Variants in PAWR observed in about 807,000 individuals in gnomAD.
PAWR encodes PRKC apoptosis WT1 regulator protein.
A neutral mutation model predicts 32.0 loss-of-function variants in PAWR; 23 were observed. That is an observed-to-expected ratio of 0.72 (90% CI 0.52 to 1.02). The LOEUF (loss-of-function observed/expected upper bound fraction) is 1.02, where lower values mean the gene tolerates loss of function less well. PAWR is among the 50% of genes least tolerant of loss of function. The pLI, the probability that PAWR is intolerant of heterozygous loss-of-function variation, is 0.00. For synonymous variants in PAWR, 226 were observed against 187.1 expected (o/e 1.21, Z -1.70); for missense variants, 457 against 437.7 (o/e 1.04, Z -0.39).
At chr12:79,671,123 T>C (rs1351273960) in intron 2 of PAWR, among the ~76,000 whole-genome samples, 4 of 99,008 alleles carry the variant, frequency 4.0e-5, no homozygotes, top group Non-Finnish European at 8.4e-5. Flanking sequence ...CCTTAGCACT[T>C]AAAAAAAAAA....
chr12:79,673,553 T>C (rs746859664), intron 2 of PAWR, among the ~76,000 whole-genome samples: 4 of 152,272 alleles, frequency 2.6e-5, no homozygotes, highest in East Asian at 1.9e-4. Flanking sequence ...ACCAGCCTTA[T>C]TGTGCCCCTC....
chr12:79,688,328 T>A (rs2136900729), intron 2 of PAWR: 1 of 152,184 alleles, frequency 6.6e-6, no homozygotes, highest in Non-Finnish European at 1.5e-5. Context: ...AAGACCGCTG[T>A]CAGATGAACA....
intron 3 of PAWR, among the ~76,000 whole-genome samples, chr12:79,615,912 C>T (rs897595636): frequency 2.0e-5 from 3 of 151,876 alleles, no homozygotes; most frequent in Non-Finnish European, 2.9e-5. Flanking sequence ...ACAAAATTAG[C>T]TGGGTGAAGT....
rs1875081365 is a variant in PAWR at position 79,622,636 on chromosome 12, T to C, written c.517-1429A>G. Among the ~76,000 whole-genome samples the C allele has an allele frequency of 2.0e-5, 3 of 152,116 alleles. No homozygotes were observed. In the South Asian group the frequency reaches 6.2e-4, roughly 32 times the overall value. Reference sequence around the variant, plus strand: ...ATGGAGTCTTACAACATTAGGATGATACAGAGAAGTCTGAGGACAGAAATG... The same window carrying C: ...ATGGAGTCTTACAACATTAGGATGACACAGAGAAGTCTGAGGACAGAAATG... On this transcript the variant is annotated intron_variant, in intron 2 of 6. Coordinates refer to ENST00000328827, the MANE Select transcript of PAWR (RefSeq NM_002583.4).
At chr12:79,670,103 A>T (rs1411918520) in intron 2 of PAWR, among the ~76,000 whole-genome samples, 1 of 152,212 alleles carries the variant, frequency 6.6e-6, no homozygotes, top group African/African-American at 2.4e-5. Context: ...AAACAGGAAA[A>T]AAAATTAAGT....
At chr12:79,618,363 A>T (rs2136710276) in intron 3 of PAWR, among the ~76,000 whole-genome samples, 2 of 152,236 alleles carry the variant, frequency 1.3e-5, no homozygotes, top group Middle Eastern at 6.8e-3. Context: ...TTCTGGCATC[A>T]AGTGGTCCAC....
At chr12:79,601,432 T>C (rs1873957957) in intron 4 of PAWR, among the ~76,000 whole-genome samples, 1 of 152,046 alleles carries the variant, frequency 6.6e-6, no homozygotes, top group Non-Finnish European at 1.5e-5. Context: ...CCTGAAGTCC[T>C]GGCCTCAAGC....
chr12:79,613,700 TA>T, intron 3 of PAWR, 91 bp from the exon 4 acceptor site: 1 of 604,828 alleles, frequency 1.7e-6, no homozygotes, highest in Admixed American at 2.7e-5. Context: ...TACCTAATTT[TA>T]AAAAGACCAA....
intron 3 of PAWR, among the ~76,000 whole-genome samples, chr12:79,617,882 C>T (rs577814345): frequency 6.6e-6 from 1 of 152,112 alleles, no homozygotes; most frequent in South Asian, 2.1e-4. Context: ...GGACCTGCCC[C>T]CGCTCTCTCT....
intron 4 of PAWR, among the ~76,000 whole-genome samples, chr12:79,602,351 A>G (rs1873996192): frequency 6.6e-6 from 1 of 152,210 alleles, no homozygotes; most frequent in Non-Finnish European, 1.5e-5. Context: ...TTCAGACTCC[A>G]TTTAAAGGTA....
intron 2 of PAWR, among the ~76,000 whole-genome samples, chr12:79,667,737 C>T (rs1877680732): frequency 6.6e-6 from 1 of 152,002 alleles, no homozygotes; most frequent in African/African-American, 2.4e-5. Context: ...TAAATTCATA[C>T]TATCTACAAA....
chr12:79,616,462 A>G (rs1761004518), intron 3 of PAWR, among the ~76,000 whole-genome samples: 1 of 152,186 alleles, frequency 6.6e-6, no homozygotes, highest in Non-Finnish European at 1.5e-5. Flanking sequence ...ACTATTTCTG[A>G]GGCTTGAAAT....
At position 79,690,192 on chromosome 12, in the gene PAWR, T is replaced by C; in HGVS notation, c.53A>G (p.Asp18Gly). Reference protein sequence around the residue: ...TSSGLGGSTTDFLEEWKAKRE... With the variant: ...TSSGLGGSTTGFLEEWKAKRE... ...TTTCGCCTTCCACTCCTCCAGGAAG[T>C]CTGTGGTGCTGCCGCCGAGGCCGCT... is the stretch of plus-strand genomic sequence containing the variant. The change falls in exon 2 of 7, where the codon GAC (aspartate) becomes GGC (glycine). Residue 18 changes from aspartate (D) to glycine (G), a missense_variant. Physicochemically the swap from Asp to Gly is moderately conservative, Grantham distance 94 (BLOSUM62 -1). Coordinates refer to ENST00000328827, the MANE Select transcript of PAWR (RefSeq NM_002583.4). 6.5e-7 allele frequency: 1 copy of C among 1,532,516 alleles called. No individual in the cohort carries two copies. 94.9% of individuals were successfully genotyped at this position (1,532,516 alleles called of 1,614,324 possible).
chr12:79,594,258 T>C, intron 6 of PAWR, 71 bp downstream of exon 6: 1 of 612,456 alleles, frequency 1.6e-6, no homozygotes, highest in Non-Finnish European at 2.9e-6. Context: ...AATAATTTCT[T>C]CATATTTATA....
intron 2 of PAWR, among the ~76,000 whole-genome samples, chr12:79,648,808 A>C (rs1356384717): frequency 1.3e-5 from 2 of 151,968 alleles, no homozygotes; most frequent in African/African-American, 2.4e-5. Context: ...AAAAAAATAA[A>C]AAAACCCTAA....
intron 2 of PAWR, among the ~76,000 whole-genome samples, chr12:79,661,633 A>T (rs971911588): frequency 6.6e-6 from 1 of 152,232 alleles, no homozygotes; most frequent in Non-Finnish European, 1.5e-5. Context: ...TAAAAAAACT[A>T]TTAAAACTAG....
rs377092764 is a variant in PAWR at position 79,669,256 on chromosome 12, G to C, written c.516+20473C>G. 5.3e-4 allele frequency among the ~76,000 whole-genome samples: 81 copies of C among 152,268 alleles called. 2 individuals carry two copies. The South Asian group carries it at 0.016, about 30-fold the overall frequency. On this transcript the variant is annotated intron_variant, in intron 2 of 6. Transcript: ENST00000328827. ...GGTTTCTTGTACAATGATGTTAATAGAACTTAAAAAGTAATTTGCAAAATA... is the reference window on the plus strand; with the variant it reads ...GGTTTCTTGTACAATGATGTTAATACAACTTAAAAAGTAATTTGCAAAATA...
At chr12:79,664,501 C>A (rs1396200329) in intron 2 of PAWR, among the ~76,000 whole-genome samples, 1 of 152,088 alleles carries the variant, frequency 6.6e-6, no homozygotes, top group Non-Finnish European at 1.5e-5. Flanking sequence ...TGTAACATGC[C>A]CTGAAAGGGC....
At chr12:79,604,281 C>T (rs1340217774) in intron 4 of PAWR, 2 of 992,606 alleles carry the variant, frequency 2.0e-6, no homozygotes, top group African/African-American at 1.7e-5. Flanking sequence ...AACTATAATG[C>T]TCAGAAAAGG....
Sources: gnomAD v4.1 joint callset for allele counts (sites outside exome capture counted in the v4.1 genomes callset) on GRCh38, gnomAD v4.1.1 for gene constraint, MANE v1.5 for transcripts, NCBI Gene and HGNC (gene_info 2026-07-23, HGNC 2026-07-21) for gene names.